The following PER3 variants were observed in gnomAD, a reference collection of about 807,000 sequenced individuals.
PER3 encodes the protein period circadian regulator 3, also known as period circadian protein homolog 3.
PER3 carries 107 observed loss-of-function variants against 127.2 expected under a neutral mutation model. The observed-to-expected ratio is 0.84, with a 90% CI of 0.72 to 0.99. PER3 has a LOEUF of 0.99. PER3 is among the 50% of genes least tolerant of loss of function. The pLI is 0.00. For synonymous variants in PER3, 618 were observed against 585.8 expected, an observed-to-expected ratio of 1.05 and a Z score of -0.79; for missense variants, 1,560 against 1,525.8, an observed-to-expected ratio of 1.02 and a Z score of -0.37.
At chr1:7,833,185 C>G (rs1007128217) in intron 19 of PER3, among the ~76,000 whole-genome samples, 2 of 152,082 alleles carry the variant, frequency 1.3e-5, no homozygotes, top group African/African-American at 4.8e-5. Context: ...GTGTAATGAT[C>G]TGGAATTTGG....
At chr1:7,827,064 C>G in intron 17 of PER3, 54 bp from the exon 18 acceptor site, 2 of 1,374,064 alleles carry the variant, frequency 1.5e-6, no homozygotes, top group Non-Finnish European at 2.0e-6. Context: ...TGGCATCCTT[C>G]TCTTCTTTTT....
chr1:7,789,493 C>T (rs541220457), intron 5 of PER3, among the ~76,000 whole-genome samples: 17 of 152,292 alleles, frequency 1.1e-4, no homozygotes, highest in South Asian at 1.0e-3. Context: ...TGCCTTCTGC[C>T]GTGATTGTGA....
chr1:7,810,022 G>A lies in PER3; in HGVS notation c.1371+1G>A. 1 of 1,612,820 alleles carries A rather than the reference G, an allele frequency of 6.2e-7. No individual in the cohort carries two copies. Among genetic ancestry groups the A allele is most frequent in the Non-Finnish European group, 8.5e-7 (1 of 1,179,242 alleles). Reference sequence around the variant, plus strand: ...TGTGGAGGAGACGAAGGCGGAGCAGGTGCATGGGCTTATGTCACATTCTTA... The same window carrying A: ...TGTGGAGGAGACGAAGGCGGAGCAGATGCATGGGCTTATGTCACATTCTTA... On this transcript the variant is annotated splice_donor_variant, in intron 12 of 21. Coordinates refer to ENST00000377532, the MANE Select transcript of PER3 (RefSeq NM_001377275.1). LOFTEE classifies it high-confidence loss of function.
chr1:7,792,259 A>AG (rs1362664002), intron 5 of PER3, among the ~76,000 whole-genome samples: 1 of 152,116 alleles, frequency 6.6e-6, no homozygotes, highest in Non-Finnish European at 1.5e-5. Flanking sequence ...GCCAAGCAAA[A>AG]GGGGGAAAAG....
chr1:7,785,308 G>T lies in PER3; in HGVS notation c.129-133G>T, dbSNP rs545827869. 1.0e-4 allele frequency: 69 copies of T among 693,048 alleles called. 1 individual carries two copies. Among genetic ancestry groups the T allele is most frequent in the Non-Finnish European group, 1.6e-4 (63 of 403,222 alleles). 42.9% of individuals were successfully genotyped at this position (693,048 alleles called of 1,614,324 possible). On this transcript the variant is annotated intron_variant, in intron 2 of 21. Coordinates refer to ENST00000377532, the MANE Select transcript of PER3 (RefSeq NM_001377275.1). ...GCCTCGAGTTCCCCACCTAGAGGAA[G>T]AGGGGTCACCACCCTGTGGACTGAT...
chr1:7,843,929 A>G lies in PER3; in HGVS notation c.*1174A>G. 1 of 1,283,892 alleles carries G rather than the reference A, an allele frequency of 7.8e-7. No homozygotes were observed. Among genetic ancestry groups the G allele is most frequent in the East Asian group, 5.8e-5 (1 of 17,106 alleles). The allele number at this position is 1,283,892 out of a possible 1,614,324, so 79.5% of individuals were successfully genotyped here. A position where few individuals can be genotyped will look rare whatever the true frequency, so the allele number is the denominator to read the frequency against. On this transcript the variant is annotated 3_prime_UTR_variant, in exon 22 of 22. Coordinates refer to ENST00000377532, the MANE Select transcript of PER3 (RefSeq NM_001377275.1). ...TCCCTGATTCCTTCTTAAACTTGGA[A>G]TGATAGATGAAATTCACACCCCTGC...
At position 7,835,918 on chromosome 1, in the gene PER3, T is replaced by C; in HGVS notation, c.3371T>C (p.Ile1124Thr). Residue 1124 changes from isoleucine to threonine, a missense_variant, in exon 20 of 22, where the codon ATT becomes ACT. Physicochemically the swap from Ile to Thr is moderately conservative, Grantham distance 89. Around this residue, in one of 3 missense-constraint regions of PER3, gnomAD observed 199 missense variants for 198.6 expected, o/e 1.00. Transcript: ENST00000377532. ...WRMIRQTPER[I>T]LMTYQVPERV... The stretch of plus-strand genomic sequence containing the variant: ...ATGATACGGCAGACACCTGAGCGCA[T>C]TCTCATGACATACCAGGTACCTGAG... 6.2e-7 allele frequency: 1 copy of C among 1,608,998 alleles called. No homozygotes were observed. The highest frequency in any genetic ancestry group is 8.5e-7 in the Non-Finnish European group (1 of 1,175,464).
intron 19 of PER3, 60 bp from the exon 20 acceptor site, chr1:7,835,702 C>A: frequency 1.7e-6 from 2 of 1,198,814 alleles, no homozygotes; most frequent in Non-Finnish European, 2.4e-6. Context: ...AGAATGAGAG[C>A]CAGTTTGGCA....
At position 7,819,411 on chromosome 1, in the gene PER3, G is replaced by A. The variant is rs1399811286; in HGVS notation, c.1649G>A (p.Ser550Asn). 2.5e-6 allele frequency: 4 copies of A among 1,613,934 alleles called. No homozygotes were observed. Among genetic ancestry groups the A allele is most frequent in the East Asian group, 2.2e-5 (1 of 44,892 alleles). Residue 550 changes from serine to asparagine, a missense_variant, in exon 14 of 22, where the codon AGT (serine) becomes AAT (asparagine). Around this residue, in one of 3 missense-constraint regions of PER3, gnomAD observed 1,332 missense variants for 1,223.6 expected, o/e 1.09. Transcript: ENST00000377532. ...TATCAACAGATCAACTGTATCGACA[G>A]TGTCATCAGGTATGAGACCGCAAGT... is the stretch of plus-strand genomic sequence containing the variant. ...PSYQQINCIDSVIRYLKSYNI... is the reference protein window; with the variant it reads ...PSYQQINCIDNVIRYLKSYNI...
chr1:7,824,690 G>A (rs1475181663), intron 16 of PER3, among the ~76,000 whole-genome samples: 1 of 152,118 alleles, frequency 6.6e-6, no homozygotes, highest in East Asian at 1.9e-4. Context: ...GATCCTTTCA[G>A]GCTTTGCTTT....
At chr1:7,813,650 T>TA (rs2097231791) in intron 13 of PER3, among the ~76,000 whole-genome samples, 1 of 152,116 alleles carries the variant, frequency 6.6e-6, no homozygotes, top group Non-Finnish European at 1.5e-5. Context: ...ACTAGAGGAA[T>TA]TTGAAAGCTG....
chr1:7,787,023 A>G (rs1429762697), intron 4 of PER3, among the ~76,000 whole-genome samples, 187 bp downstream of exon 4: 1 of 152,234 alleles, frequency 6.6e-6, no homozygotes. Flanking sequence ...TAAAAGCAGA[A>G]GCAGCCCGTT....
Position 7,809,948 on chromosome 1 carries a change from A to G in PER3, c.1298A>G (p.Gln433Arg). ...GGGAGCCTGGGGAGCAGCGGGTCGC[A>G]GGAGCAGCTTGTCAGCATCGCCTCC... The part of the protein sequence containing the change: ...GYGSLGSSGS[Q>R]EQLVSIASSS... Residue 433 changes from glutamine (Q) to arginine (R), a missense_variant, in exon 12 of 22, where the codon CAG becomes CGG. Around this residue, in one of 3 missense-constraint regions of PER3, gnomAD observed 1,332 missense variants for 1,223.6 expected, o/e 1.09. Coordinates refer to ENST00000377532, the MANE Select transcript of PER3 (RefSeq NM_001377275.1). 1.2e-6 allele frequency: 2 copies of G among 1,614,136 alleles called. No homozygotes were observed. Among genetic ancestry groups the G allele is most frequent in the Non-Finnish European group, 1.7e-6 (2 of 1,179,964 alleles).
intron 7 of PER3, 72 bp from the exon 8 acceptor site, chr1:7,801,036 ATATGT>A (rs534996551): frequency 1.2e-5 from 10 of 845,930 alleles, no homozygotes; most frequent in Non-Finnish European, 1.8e-5. Flanking sequence ...TCTCTTTTTA[ATATGT>A]TAAGTGGTTA....
chr1:7,794,763 T>C (rs1392083061), intron 6 of PER3, among the ~76,000 whole-genome samples: 1 of 151,848 alleles, frequency 6.6e-6, no homozygotes, highest in Non-Finnish European at 1.5e-5. Flanking sequence ...AGATGAAAAT[T>C]TTAACAGTAG....
At chr1:7,806,139 A>G (rs1246009386) in intron 10 of PER3, among the ~76,000 whole-genome samples, 2 of 152,226 alleles carry the variant, frequency 1.3e-5, no homozygotes, top group African/African-American at 4.8e-5. Flanking sequence ...ACTGTCATAT[A>G]TAACTAGAGT....
intron 16 of PER3, among the ~76,000 whole-genome samples, chr1:7,822,669 C>T (rs980964585): frequency 6.6e-6 from 1 of 152,044 alleles, no homozygotes; most frequent in Non-Finnish European, 1.5e-5. Flanking sequence ...AATAGATTAA[C>T]AAAAAAGAAG....
rs1341217103 is a variant in PER3, at chr1:7,788,090, C to T, written c.436C>T (p.His146Tyr). 2.5e-6 allele frequency: 4 copies of T among 1,613,848 alleles called. No homozygotes were observed. Among genetic ancestry groups the T allele is most frequent in the Non-Finnish European group, 2.5e-6 (3 of 1,179,720 alleles). Reference sequence around the variant, plus strand: ...TTCATTTCTGTCTGGAAGGTTAGTGCACATTTCTGAACAGGCTGCTTTGAT... The same window carrying T: ...TTCATTTCTGTCTGGAAGGTTAGTGTACATTTCTGAACAGGCTGCTTTGAT... ...VFSFLSGRLV[H>Y]ISEQAALILN... Residue 146 changes from histidine (H) to tyrosine (Y), a missense_variant, in exon 5 of 22, where the codon CAC becomes TAC. Physicochemically the swap from His to Tyr is moderately conservative, Grantham distance 83. This residue lies in a region of PER3 where 1,332 missense variants were observed against 1,223.6 expected (regional missense o/e 1.09). Coordinates refer to ENST00000377532, the MANE Select transcript of PER3 (RefSeq NM_001377275.1).
chr1:7,814,755 A>G (rs1457075073), intron 13 of PER3, among the ~76,000 whole-genome samples: 1 of 152,228 alleles, frequency 6.6e-6, no homozygotes, highest in African/African-American at 2.4e-5. Context: ...TATAGCATAT[A>G]TAAAAGTAAT....
Sources: gnomAD v4.1 joint callset for allele counts (sites outside exome capture counted in the v4.1 genomes callset) on GRCh38, gnomAD v4.1.1 for gene constraint, gnomAD v4.1.1 regional missense constraint, MANE v1.5 for transcripts, NCBI Gene and HGNC (gene_info 2026-07-23, HGNC 2026-07-21) for gene names.